CHRM3: variants seen among roughly 807,000 people sequenced by gnomAD.
CHRM3 encodes the protein cholinergic receptor muscarinic 3, also known as muscarinic acetylcholine receptor M3.
In CHRM3, 11 loss-of-function variants were observed where a neutral mutation model predicts 41.8. The observed-to-expected ratio is 0.26, with a 90% CI of 0.17 to 0.44. The LOEUF is 0.44. Ranked by LOEUF, CHRM3 falls within the 20% of genes least tolerant of loss-of-function variation. CHRM3 has a pLI of 1.00. For missense variants in CHRM3, 571 were observed against 745.4 expected (o/e 0.77, Z 2.72); for synonymous variants, 297 against 301.4 (o/e 0.99, Z 0.15).
At chr1:239,763,049 AG>A (rs143476006) in intron 5 of CHRM3, among the ~76,000 whole-genome samples, 4,474 of 152,282 alleles carry the variant, frequency 0.029, 225 homozygotes, top group African/African-American at 0.1. Context: ...GGTTTTAAGA[AG>A]AACGCTATTA....
Position 239,387,952 on chromosome 1 carries a change from G to T in CHRM3, c.-521+725G>T, listed in dbSNP as rs1004463673. Among the ~76,000 whole-genome samples the T allele has an allele frequency of 2.0e-5, 3 of 152,140 alleles. No individual in the cohort carries two copies. The highest frequency in any genetic ancestry group is 7.2e-5 in the African/African-American group (3 of 41,426). Reference sequence around the variant, plus strand: ...CCTCAGCATAGCCTCCTAATAGCGAGGTTAATTTTTGCGTGTTTTTAAACG... The same window carrying T: ...CCTCAGCATAGCCTCCTAATAGCGATGTTAATTTTTGCGTGTTTTTAAACG... On this transcript the variant is annotated intron_variant, in intron 1 of 6. Coordinates refer to ENST00000676153, the MANE Select transcript of CHRM3 (RefSeq NM_001375978.1). The surrounding 1 kb of genome is among the most constrained non-coding windows in gnomAD (Gnocchi z 5.1).
chr1:239,620,805 A>T (rs1558386292), intron 3 of CHRM3, among the ~76,000 whole-genome samples: 1 of 152,174 alleles, frequency 6.6e-6, no homozygotes, highest in African/African-American at 2.4e-5. Context: ...ACTCTCTCTT[A>T]CAAAGAGAGA....
chr1:239,902,684 C>T (rs1347522600), intron 6 of CHRM3, among the ~76,000 whole-genome samples: 7 of 152,122 alleles, frequency 4.6e-5, no homozygotes, highest in Admixed American at 4.6e-4. Context: ...TACCACATTC[C>T]CTTCTTTTCT....
At chr1:239,480,922 G>T (rs933930843) in intron 1 of CHRM3, among the ~76,000 whole-genome samples, 4 of 152,128 alleles carry the variant, frequency 2.6e-5, no homozygotes, top group African/African-American at 9.7e-5. Context: ...ATATTCTACA[G>T]CCACTAACTT....
intron 2 of CHRM3, among the ~76,000 whole-genome samples, chr1:239,502,866 A>G (rs1558271849): frequency 6.6e-6 from 1 of 152,212 alleles, no homozygotes. Context: ...GCTTCCCTTT[A>G]TGATTAAAAC....
chr1:239,821,303 C>T (rs1050924001), intron 5 of CHRM3, among the ~76,000 whole-genome samples: 1 of 152,208 alleles, frequency 6.6e-6, no homozygotes, highest in South Asian at 2.1e-4. Context: ...ATAAAAATGG[C>T]ATTTGTAATC....
At chr1:239,430,457 A>C (rs1460794804) in intron 1 of CHRM3, among the ~76,000 whole-genome samples, 2 of 152,152 alleles carry the variant, frequency 1.3e-5, no homozygotes, top group East Asian at 3.9e-4. Context: ...TTTACAAGTT[A>C]ATAGGTATGG....
intron 5 of CHRM3, among the ~76,000 whole-genome samples, chr1:239,818,787 T>A (rs1483864558): frequency 6.6e-6 from 1 of 152,212 alleles, no homozygotes; most frequent in Non-Finnish European, 1.5e-5. Context: ...AGGAAAGGGC[T>A]GAAGAAGGCA....
At chr1:239,602,110 G>GTGTGTGTATATATATA (rs1307023039) in intron 3 of CHRM3, among the ~76,000 whole-genome samples, 20 of 112,838 alleles carry the variant, frequency 1.8e-4, no homozygotes, top group African/African-American at 5.5e-4. Context: ...GTGTGTGTGT[G>GTGTGTGTATATATATA]TATATATATA....
chr1:239,705,087 G>C (rs1213886215), intron 5 of CHRM3: 2 of 152,134 alleles, frequency 1.3e-5, no homozygotes, highest in East Asian at 3.9e-4. Flanking sequence ...TGCACCTGCA[G>C]TCTCAGCTAC....
chr1:239,845,503 C>T (rs1425917861), intron 6 of CHRM3, among the ~76,000 whole-genome samples: 2 of 152,186 alleles, frequency 1.3e-5, no homozygotes, highest in African/African-American at 4.8e-5. Context: ...CCACCATGCC[C>T]AGTTCTCTTA....
intron 5 of CHRM3, among the ~76,000 whole-genome samples, chr1:239,791,450 A>G (rs1669345809): frequency 6.6e-6 from 1 of 152,168 alleles, no homozygotes; most frequent in South Asian, 2.1e-4. Context: ...TTTCAGTAAT[A>G]CCATGAAAGG....
chr1:239,543,524 T>TG (rs1658986876), intron 2 of CHRM3, among the ~76,000 whole-genome samples: 1 of 151,930 alleles, frequency 6.6e-6, no homozygotes, highest in Admixed American at 6.6e-5. Flanking sequence ...TTTTTTTTTT[T>TG]TGTGATGGAG....
intron 3 of CHRM3, among the ~76,000 whole-genome samples, chr1:239,582,332 G>T (rs1279489152): frequency 6.6e-6 from 1 of 152,090 alleles, no homozygotes; most frequent in African/African-American, 2.4e-5. Context: ...ATGTAAAAAA[G>T]AATCTTCTTT....
At chr1:239,438,852 CA>C (rs1370880350) in intron 1 of CHRM3, among the ~76,000 whole-genome samples, 4 of 152,100 alleles carry the variant, frequency 2.6e-5, no homozygotes, top group African/African-American at 7.2e-5. Flanking sequence ...TCATATAACA[CA>C]AGCAAAAAGT....
intron 1 of CHRM3, among the ~76,000 whole-genome samples, chr1:239,405,883 C>G (rs1199852300): frequency 6.6e-6 from 1 of 151,920 alleles, no homozygotes; most frequent in South Asian, 2.1e-4. Context: ...GAGGGCAAGA[C>G]GGATTTTTTT....
chr1:239,468,398 C>T (rs543350211), intron 1 of CHRM3, among the ~76,000 whole-genome samples: 1 of 152,212 alleles, frequency 6.6e-6, no homozygotes, highest in South Asian at 2.1e-4. Context: ...TGAGTAATGA[C>T]TCAGTATGTA....
intron 1 of CHRM3, among the ~76,000 whole-genome samples, chr1:239,474,675 A>T (rs1270551141): frequency 6.6e-6 from 1 of 152,104 alleles, no homozygotes; most frequent in Non-Finnish European, 1.5e-5. Flanking sequence ...AAAGGAAATA[A>T]ATAACTTGAT....
At chr1:239,758,787 T>C (rs1431012299) in intron 5 of CHRM3, among the ~76,000 whole-genome samples, 1 of 152,200 alleles carries the variant, frequency 6.6e-6, no homozygotes, top group Non-Finnish European at 1.5e-5. Context: ...ACTGTGTTTT[T>C]TGGTAAATTA....
Sources: allele counts gnomAD v4.1 joint callset (sites outside exome capture counted in the v4.1 genomes callset), GRCh38; gene constraint gnomAD v4.1.1; non-coding constraint Gnocchi (gnomAD v3.1); transcripts MANE v1.5; gene names NCBI Gene and HGNC (gene_info 2026-07-23, HGNC 2026-07-21).